The following AKAP1 variants were observed in gnomAD, a reference collection of about 807,000 sequenced individuals.
AKAP1 encodes the protein A-kinase anchoring protein 1.
Under a neutral mutation model 79.8 loss-of-function variants are expected in AKAP1, and 32 were observed. The observed-to-expected ratio is 0.40, with a 90% CI of 0.30 to 0.54. The LOEUF (loss-of-function observed/expected upper bound fraction) is 0.54. Among genes scored for constraint, AKAP1 ranks in the 20% least tolerant of loss-of-function variants. The probability of loss-of-function intolerance (pLI) is 0.47; values close to 1 mark genes in which losing one functional copy is unlikely to be tolerated. For synonymous variants in AKAP1, 416 were observed against 466.7 expected, an observed-to-expected ratio of 0.89 and a Z score of 1.40; for missense variants, 961 against 1,138.9, an observed-to-expected ratio of 0.84 and a Z score of 2.25.
intron 6 of AKAP1, 108 bp from the exon 7 acceptor site, chr17:57,116,003 G>T: frequency 1.5e-6 from 2 of 1,323,914 alleles, no homozygotes; most frequent in Non-Finnish European, 2.1e-6. Context: ...GCACTGTGGA[G>T]GTTGCAGGCC....
intron 1 of AKAP1, among the ~76,000 whole-genome samples, chr17:57,104,108 T>C (rs962255594): frequency 2.0e-5 from 3 of 152,086 alleles, no homozygotes; most frequent in Non-Finnish European, 4.4e-5. Flanking sequence ...TACAGGCGCC[T>C]GCCACCATGC....
At chr17:57,087,032 C>T (rs1164495540) in intron 1 of AKAP1, among the ~76,000 whole-genome samples, 1 of 152,180 alleles carries the variant, frequency 6.6e-6, no homozygotes, top group African/African-American at 2.4e-5. Flanking sequence ...TTGTGTTGAA[C>T]TTTTCTTTAA....
intron 10 of AKAP1, among the ~76,000 whole-genome samples, 187 bp from the exon 11 acceptor site, chr17:57,120,063 T>C (rs547810148): frequency 7.9e-5 from 12 of 151,992 alleles, no homozygotes; most frequent in African/African-American, 2.7e-4. Context: ...TGACCTCAGG[T>C]GATCCACCTG....
chr17:57,092,345 G>A (rs1160704188), intron 1 of AKAP1: 3 of 152,200 alleles, frequency 2.0e-5, no homozygotes, highest in African/African-American at 7.2e-5. Flanking sequence ...AAGGCCCTCT[G>A]TTGCCTATGG....
chr17:57,087,527 G>A (rs1413104944), intron 1 of AKAP1, among the ~76,000 whole-genome samples: 1 of 152,176 alleles, frequency 6.6e-6, no homozygotes, highest in East Asian at 1.9e-4. Context: ...TTAGGGGAAG[G>A]CTGGTGTTAG....
At chr17:57,115,435 C>T (rs2052276675) in intron 6 of AKAP1, among the ~76,000 whole-genome samples, 1 of 152,224 alleles carries the variant, frequency 6.6e-6, no homozygotes, top group Admixed American at 6.5e-5. Flanking sequence ...AGGGTCAGGA[C>T]CCAGCACAGT....
intron 1 of AKAP1, chr17:57,101,753 A>G (rs1914530972): frequency 6.6e-6 from 1 of 152,226 alleles, no homozygotes; most frequent in Non-Finnish European, 1.5e-5. Context: ...AAGGAAATCT[A>G]CTAAATGGTT....
In AKAP1 at chr17:57,111,791, C is replaced by G. The variant is rs1460503665; in HGVS notation, c.1849-7C>G. The G allele has an allele frequency of 2.5e-6, 4 of 1,612,404 alleles. No homozygotes were observed. The highest frequency in any genetic ancestry group is 3.4e-6 in the Non-Finnish European group (4 of 1,179,640). ...AACCCTCTCATCTCTTTTTGTCTTT[C>G]TGGAAGCACTTAGTCGGTCGGCTAA... On this transcript the variant is annotated splice_polypyrimidine_tract_variant and splice_region_variant and intron_variant, in intron 3 of 10. Coordinates refer to ENST00000337714, the MANE Select transcript of AKAP1 (RefSeq NM_003488.4).
At chr17:57,114,768 GGAGCTGGGGTGGGTTTCCTGGCAAGGCA>G in intron 6 of AKAP1, 132 bp downstream of exon 6, 1 of 1,079,918 alleles carries the variant, frequency 9.3e-7, no homozygotes, top group Non-Finnish European at 1.3e-6. Flanking sequence ...CCATTGTTAT[GGAGCTGGGGTGGGTTTCCTGGCAAGGCA>G]GAGCTGGGGT....
rs1913496690 is a variant in AKAP1 at position 57,086,910 on chromosome 17, T to C, written c.-25+1512T>C. On this transcript the variant is annotated intron_variant, in intron 1 of 10. Transcript: ENST00000337714. The surrounding 1 kb of genome is among the most constrained non-coding windows in gnomAD (Gnocchi z 5.1). ...TTTGAAATGAAGAAGGCTGCCTGAC[T>C]TGATCATTTATATAATTCCTCTGAT... Among the ~76,000 whole-genome samples, 1 of 152,208 alleles carries C rather than the reference T, an allele frequency of 6.6e-6. No homozygotes were observed. Among genetic ancestry groups the C allele is most frequent in the Non-Finnish European group, 1.5e-5 (1 of 68,032 alleles).
chr17:57,087,404 TA>T (rs1913527785), intron 1 of AKAP1, among the ~76,000 whole-genome samples: 1 of 152,230 alleles, frequency 6.6e-6, no homozygotes, highest in Non-Finnish European at 1.5e-5. Context: ...CTGAAGTCGA[TA>T]TGTCTCCAGT....
chr17:57,103,064 G>T (rs540958075), intron 1 of AKAP1, among the ~76,000 whole-genome samples: 1 of 152,150 alleles, frequency 6.6e-6, no homozygotes, highest in African/African-American at 2.4e-5. Flanking sequence ...GGACGACAGC[G>T]AGATAAAAGG....
chr17:57,086,969 T>TA lies in AKAP1; in HGVS notation c.-25+1573dup, dbSNP rs1913500701. 6.6e-6 allele frequency among the ~76,000 whole-genome samples: 1 copy of TA among 152,344 alleles called. No homozygotes were observed. Among genetic ancestry groups the TA allele is most frequent in the East Asian group, 1.9e-4 (1 of 5,190 alleles). On this transcript the variant is annotated intron_variant, in intron 1 of 10. Transcript: ENST00000337714. The surrounding 1 kb of genome is among the most constrained non-coding windows in gnomAD (Gnocchi z 5.1). Reference sequence around the variant, plus strand: ...TGAAGTGGTTCACCTGCTGATTATTTAAGACCCTGAGCACTGGAAGCAAGT... The same window carrying TA: ...TGAAGTGGTTCACCTGCTGATTATTTAAAGACCCTGAGCACTGGAAGCAAGT...
rs1249006953 is a variant in AKAP1, at chr17:57,106,326, C to A, written c.862C>A (p.Pro288Thr). The A allele has an allele frequency of 3.7e-6, 6 of 1,613,948 alleles. No homozygotes were observed. The highest frequency in any genetic ancestry group is 2.7e-5 in the African/African-American group (2 of 74,858). Residue 288 changes from proline (P) to threonine (T), a missense_variant, in exon 2 of 11, where the codon CCC becomes ACC. Around this residue, in one of 3 missense-constraint regions of AKAP1, gnomAD observed 224 missense variants for 210.2 expected, o/e 1.07. Coordinates refer to ENST00000337714, the MANE Select transcript of AKAP1 (RefSeq NM_003488.4). Reference protein sequence around the residue: ...ELAKDDAAPAPPVADAKAQDR... With the variant: ...ELAKDDAAPATPVADAKAQDR... ...GGCAAAGGACGATGCGGCGCCAGCACCCCCAGTCGCAGACGCCAAAGCCCA... is the reference window on the plus strand; with the variant it reads ...GGCAAAGGACGATGCGGCGCCAGCAACCCCAGTCGCAGACGCCAAAGCCCA...
intron 1 of AKAP1, among the ~76,000 whole-genome samples, chr17:57,098,874 G>A (rs1203672659): frequency 6.7e-6 from 1 of 149,858 alleles, no homozygotes; most frequent in Non-Finnish European, 1.5e-5. Context: ...CCATTCTCCT[G>A]CCTCAGCCTC....
At chr17:57,111,947 A>G in intron 4 of AKAP1, 23 bp downstream of exon 4, 1 of 1,603,942 alleles carries the variant, frequency 6.2e-7, no homozygotes, top group Non-Finnish European at 8.5e-7. Flanking sequence ...TGCTGCTTGT[A>G]TTGCCTCTTA....
At position 57,121,161 on chromosome 17, in the gene AKAP1, A is replaced by C. The variant is rs866827902; in HGVS notation, c.*837A>C. 6.6e-6 allele frequency: 1 copy of C among 152,262 alleles called. No homozygotes were observed. The highest frequency in any genetic ancestry group is 2.4e-5 in the African/African-American group (1 of 41,442). The allele number at this position is 152,262 out of a possible 1,614,324, so 9.4% of individuals were successfully genotyped here. The stretch of plus-strand genomic sequence containing the variant: ...CCCTGTGGCTTCCTGCACACTGGAC[A>C]GGTGACTGTATGGTAGAGACTGTGA... On this transcript the variant is annotated 3_prime_UTR_variant, in exon 11 of 11. Transcript: ENST00000337714.
chr17:57,110,720 CTTTAAATA>C (rs1170250056), intron 3 of AKAP1, among the ~76,000 whole-genome samples: 1 of 152,204 alleles, frequency 6.6e-6, no homozygotes, highest in African/African-American at 2.4e-5. Context: ...TTAATTAATA[CTTTAAATA>C]TTTAACAATT....
chr17:57,110,082 A>G lies in AKAP1; in HGVS notation c.1772A>G (p.Glu591Gly). ...AGCTGTTGCAGTCTCAAGAAGACTGAGAGCTTCCAAAATGCCCAGGCAGGC... is the reference window on the plus strand; with the variant it reads ...AGCTGTTGCAGTCTCAAGAAGACTGGGAGCTTCCAAAATGCCCAGGCAGGC... ...VDSCCSLKKT[E>G]SFQNAQAGSN... Residue 591 changes from glutamate to glycine, a missense_variant, in exon 3 of 11, where the codon GAG becomes GGG. Physicochemically the swap from Glu to Gly is moderately conservative, Grantham distance 98. Coordinates refer to ENST00000337714, the MANE Select transcript of AKAP1 (RefSeq NM_003488.4). 3 of 1,614,150 alleles carry G rather than the reference A, an allele frequency of 1.9e-6. No homozygotes were observed. Among genetic ancestry groups the G allele is most frequent in the Non-Finnish European group, 2.5e-6 (3 of 1,180,006 alleles).
Sources: allele counts gnomAD v4.1 joint callset (sites outside exome capture counted in the v4.1 genomes callset), GRCh38; gene constraint gnomAD v4.1.1; regional missense constraint gnomAD v4.1.1; non-coding constraint Gnocchi (gnomAD v3.1); transcripts MANE v1.5; gene names NCBI Gene and HGNC (gene_info 2026-07-23, HGNC 2026-07-21).